MLIP: variants seen among roughly 807,000 people sequenced by gnomAD.
MLIP encodes the protein muscular LMNA-interacting protein.
MLIP carries 79 observed loss-of-function variants against 84.8 expected under a neutral mutation model. That is an observed-to-expected ratio of 0.93 (90% CI 0.78 to 1.12). The LOEUF is 1.12. Among genes scored for constraint, MLIP ranks in the 50% most tolerant of loss-of-function variants. The pLI is 0.00. For missense variants in MLIP, 1,257 were observed against 1,160.6 expected (o/e 1.08, Z -1.21); for synonymous variants, 504 against 463.0 (o/e 1.09, Z -1.14).
intron 1 of MLIP, among the ~76,000 whole-genome samples, chr6:54,113,026 AATTTTC>A (rs1171187008): frequency 2.0e-5 from 3 of 152,166 alleles, no homozygotes; most frequent in Non-Finnish European, 4.4e-5. Flanking sequence ...TGAAGAAATA[AATTTTC>A]ATCATTATAT....
chr6:54,151,723 C>A (rs900251311), intron 5 of MLIP, among the ~76,000 whole-genome samples: 1 of 152,090 alleles, frequency 6.6e-6, no homozygotes, highest in Non-Finnish European at 1.5e-5. Flanking sequence ...GGATTAAACC[C>A]ATGATGGGTA....
chr6:54,244,137 A>G (rs1349409968), intron 12 of MLIP, among the ~76,000 whole-genome samples: 1 of 152,176 alleles, frequency 6.6e-6, no homozygotes, highest in Non-Finnish European at 1.5e-5. Flanking sequence ...CTCTTCATTA[A>G]TAATGTTTAT....
upstream of MLIP, among the ~76,000 whole-genome samples, chr6:54,107,576 T>C (rs1014593378): frequency 1.3e-5 from 2 of 152,150 alleles, no homozygotes; most frequent in Non-Finnish European, 2.9e-5. Flanking sequence ...TTGCCAGAAA[T>C]AGGACCTAGG....
chr6:54,091,195 C>T (rs934486667), intron 1 of MLIP, among the ~76,000 whole-genome samples: 1 of 152,080 alleles, frequency 6.6e-6, no homozygotes, highest in South Asian at 2.1e-4. Context: ...GTAGAGTAAA[C>T]CCCTGGTTGA....
intron 11 of MLIP, among the ~76,000 whole-genome samples, chr6:54,212,905 A>T (rs938519412): frequency 3.9e-5 from 6 of 152,228 alleles, no homozygotes; most frequent in Non-Finnish European, 7.3e-5. Context: ...TCACATTGGT[A>T]AATTTGTCAA....
intron 11 of MLIP, chr6:54,216,878 T>C (rs1033914888): frequency 2.4e-5 from 24 of 985,272 alleles, no homozygotes; most frequent in Non-Finnish European, 2.8e-5. Context: ...GTTTTTGTGA[T>C]GCTGTCTGTA....
rs1004669439 is a variant in MLIP, at chr6:54,092,874, A to AT, written c.64-28563dup. ...GATGGGCTGCAGAGTTATTGAATCT[A>AT]TTTTTTTTTTCTTTTGAGAGAGAGT... On this transcript the variant is annotated intron_variant, in intron 1 of 12. Coordinates refer to the MLIP transcript ENST00000274897. Among the ~76,000 whole-genome samples the AT allele has an allele frequency of 2.3e-3, 342 of 148,788 alleles. 4 individuals carry two copies. Among genetic ancestry groups the AT allele is most frequent in the African/African-American group, 1.1e-3 (45 of 40,614 alleles).
At chr6:54,102,189 T>C (rs149515507) in intron 1 of MLIP, among the ~76,000 whole-genome samples, 38 of 152,316 alleles carry the variant, frequency 2.5e-4, no homozygotes, top group African/African-American at 8.4e-4. Context: ...AGCAAGTTAT[T>C]TAATCTCCCT....
chr6:54,033,117 A>G (rs1016865473), intron 1 of MLIP, among the ~76,000 whole-genome samples: 1 of 152,206 alleles, frequency 6.6e-6, no homozygotes, highest in Non-Finnish European at 1.5e-5. Flanking sequence ...AGTTTAAGAT[A>G]AACTGAGTAA....
intron 1 of MLIP, among the ~76,000 whole-genome samples, chr6:54,034,772 G>C (rs1436215493): frequency 2.0e-5 from 3 of 152,082 alleles, no homozygotes; most frequent in Non-Finnish European, 4.4e-5. Context: ...TGTAGCTTAA[G>C]TGCACAGTGT....
chr6:54,255,816 G>C (rs1782968551), intron 12 of MLIP, among the ~76,000 whole-genome samples: 1 of 152,100 alleles, frequency 6.6e-6, no homozygotes, highest in African/African-American at 2.4e-5. Context: ...CTTCTTTTCT[G>C]TTTTAGGAGA....
intron 12 of MLIP, among the ~76,000 whole-genome samples, chr6:54,245,777 T>C (rs1782038355): frequency 6.6e-6 from 1 of 152,166 alleles, no homozygotes; most frequent in East Asian, 1.9e-4. Flanking sequence ...TTCAACCTAG[T>C]TGTCTCATTG....
At chr6:54,024,408 C>G (rs1173090696) in intron 1 of MLIP, among the ~76,000 whole-genome samples, 1 of 152,184 alleles carries the variant, frequency 6.6e-6, no homozygotes, top group Non-Finnish European at 1.5e-5. Flanking sequence ...GAGATTCGTG[C>G]TTGGTTCTAA....
At chr6:54,042,716 A>C (rs1021689218) in intron 1 of MLIP, among the ~76,000 whole-genome samples, 4 of 152,318 alleles carry the variant, frequency 2.6e-5, no homozygotes, top group Admixed American at 1.3e-4. Flanking sequence ...TATCATCACC[A>C]GGGACAATAT....
chr6:54,121,591 A>G lies in MLIP; in HGVS notation c.241A>G (p.Thr81Ala), dbSNP rs548052923. The G allele has an allele frequency of 3.1e-6, 5 of 1,605,352 alleles. No individual in the cohort carries two copies. In the South Asian group the frequency reaches 4.5e-5, roughly 14 times the overall value. ...AGAATCAAGTGATAAGAGTCCAGAA[A>G]CTGTAAATAGGGTAGGATTATTTTT... Reference protein sequence around the residue: ...PEESSDKSPETVNRSKSNDYL... With the variant: ...PEESSDKSPEAVNRSKSNDYL... The change falls in exon 2 of 14, where the codon ACT (threonine) becomes GCT (alanine). Residue 81 changes from threonine (T) to alanine (A), a missense_variant. By Grantham distance (58) the Thr-to-Ala change is moderately conservative. Transcript: ENST00000502396.
At chr6:54,090,993 A>T (rs959649618) in intron 1 of MLIP, among the ~76,000 whole-genome samples, 1 of 152,102 alleles carries the variant, frequency 6.6e-6, no homozygotes, top group Non-Finnish European at 1.5e-5. Context: ...TAATATCGAC[A>T]TTTGGGCCAA....
At chr6:54,059,063 T>A (rs961664860) in intron 1 of MLIP, 11 of 152,200 alleles carry the variant, frequency 7.2e-5, no homozygotes, top group Admixed American at 5.9e-4. Flanking sequence ...GAAACTGATA[T>A]ATTGGTTGGG....
intron 1 of MLIP, among the ~76,000 whole-genome samples, chr6:54,020,486 T>C (rs1464485299): frequency 6.6e-6 from 1 of 152,180 alleles, no homozygotes; most frequent in Non-Finnish European, 1.5e-5. Context: ...ACTAAATACA[T>C]GAATAATTGG....
intron 4 of MLIP, among the ~76,000 whole-genome samples, chr6:54,147,973 C>G (rs949363368): frequency 1.3e-5 from 2 of 152,146 alleles, no homozygotes. Context: ...CACTTTGATT[C>G]CTCATGACTT....
Sources: allele counts gnomAD v4.1 joint callset (sites outside exome capture counted in the v4.1 genomes callset), GRCh38; gene constraint gnomAD v4.1.1; transcripts MANE v1.5; gene names NCBI Gene and HGNC (gene_info 2026-07-23, HGNC 2026-07-21).